TENM2: variants seen among roughly 807,000 people sequenced by gnomAD.
The protein encoded by TENM2 is teneurin-2.
A neutral mutation model predicts 245.2 loss-of-function variants in TENM2; 52 were observed. The observed-to-expected ratio is 0.21, with a 90% CI of 0.17 to 0.27. The LOEUF is 0.27. TENM2 is among the 10% of genes least tolerant of loss of function. The pLI is 1.00. For synonymous variants in TENM2, 1,363 were observed against 1,438.9 expected, an observed-to-expected ratio of 0.95 and a Z score of 1.19; for missense variants, 3,046 against 3,666.8, an observed-to-expected ratio of 0.83 and a Z score of 4.37.
chr5:167,859,358 C>T (rs1771448516), intron 2 of TENM2, among the ~76,000 whole-genome samples: 3 of 149,492 alleles, frequency 2.0e-5, no homozygotes, highest in East Asian at 2.0e-4. Context: ...GCCCGGCAGC[C>T]ACCCCGTCCG....
chr5:167,446,257 A>G (rs542225962), intron 2 of TENM2, among the ~76,000 whole-genome samples: 5 of 152,252 alleles, frequency 3.3e-5, no homozygotes, highest in African/African-American at 1.2e-4. Context: ...TGTCTCTCTC[A>G]TCTCTCACCT....
intron 3 of TENM2, among the ~76,000 whole-genome samples, chr5:167,922,277 C>T (rs1326022121): frequency 6.6e-6 from 1 of 152,134 alleles, no homozygotes; most frequent in Non-Finnish European, 1.5e-5. Flanking sequence ...GTGTCCCTGG[C>T]TCTTGAAGTG....
chr5:167,713,860 A>T (rs1439253258), intron 2 of TENM2, among the ~76,000 whole-genome samples: 1 of 152,060 alleles, frequency 6.6e-6, no homozygotes, highest in Admixed American at 6.5e-5. Flanking sequence ...TTTCCCCTTC[A>T]GCATTCCCAA....
chr5:167,697,778 A>C (rs571873752), intron 2 of TENM2, among the ~76,000 whole-genome samples: 2 of 152,264 alleles, frequency 1.3e-5, no homozygotes, highest in Admixed American at 1.3e-4. Flanking sequence ...GCCCGCCTCA[A>C]CTTCCCAAAG....
chr5:167,033,281 C>G, the TENM2 span, among the ~76,000 whole-genome samples: 2 of 152,188 alleles, frequency 1.3e-5, no homozygotes, highest in African/African-American at 4.8e-5. Flanking sequence ...TAAAACAATG[C>G]GATTCACATC....
At chr5:167,870,287 A>G (rs1237934179) in intron 2 of TENM2, among the ~76,000 whole-genome samples, 2 of 152,092 alleles carry the variant, frequency 1.3e-5, no homozygotes, top group African/African-American at 2.4e-5. Context: ...TCTATTGTGC[A>G]TTCCAGAAAA....
At chr5:167,247,611 T>C in the TENM2 span, among the ~76,000 whole-genome samples, 330 of 152,304 alleles carry the variant, frequency 2.2e-3, 7 homozygotes, top group Admixed American at 0.02. Flanking sequence ...CTGCCTCCTC[T>C]GCTTCTTCTC....
intron 2 of TENM2, among the ~76,000 whole-genome samples, chr5:167,656,052 A>T (rs1403566129): frequency 6.6e-6 from 1 of 152,218 alleles, no homozygotes; most frequent in Non-Finnish European, 1.5e-5. Context: ...ATCCTGAAAG[A>T]CACAGAACCA....
chr5:167,698,641 A>G (rs953639673), intron 2 of TENM2, among the ~76,000 whole-genome samples: 6 of 137,470 alleles, frequency 4.4e-5, no homozygotes, highest in Non-Finnish European at 9.4e-5. Flanking sequence ...TTCCATAAAT[A>G]GTTTTTCTGT....
intron 2 of TENM2, among the ~76,000 whole-genome samples, chr5:167,874,234 C>T (rs886259128): frequency 6.6e-6 from 1 of 152,170 alleles, no homozygotes; most frequent in Admixed American, 6.5e-5. Context: ...GACACATTTA[C>T]CTGTCTGTCT....
chr5:167,090,074 A>G, the TENM2 span, among the ~76,000 whole-genome samples: 95,783 of 151,988 alleles, frequency 0.63, 32,556 homozygotes, highest in African/African-American at 0.9. Flanking sequence ...AGCCTCAATT[A>G]ATATTGAGTG....
At chr5:167,556,649 A>G (rs1477309232) in intron 2 of TENM2, among the ~76,000 whole-genome samples, 1 of 152,122 alleles carries the variant, frequency 6.6e-6, no homozygotes, top group South Asian at 2.1e-4. Flanking sequence ...TTCTCTAGCC[A>G]CCATAGTAGG....
intron 2 of TENM2, among the ~76,000 whole-genome samples, chr5:167,640,444 C>G (rs1779480735): frequency 6.6e-6 from 1 of 151,926 alleles, no homozygotes; most frequent in Non-Finnish European, 1.5e-5. Context: ...ATGGCAAAAC[C>G]CTGCCTCTAA....
At chr5:167,050,659 G>C in the TENM2 span, among the ~76,000 whole-genome samples, 1 of 152,266 alleles carries the variant, frequency 6.6e-6, no homozygotes, top group Non-Finnish European at 1.5e-5. Context: ...GAATCCAGCA[G>C]AGAGGGGGCG....
chr5:167,299,050 G>C (rs971086919), intron 1 of TENM2, among the ~76,000 whole-genome samples: 1 of 152,188 alleles, frequency 6.6e-6, no homozygotes, highest in Non-Finnish European at 1.5e-5. Context: ...GGACAGGCCT[G>C]ACTTCTGAGA....
intron 6 of TENM2, among the ~76,000 whole-genome samples, chr5:168,050,680 G>GT (rs1032025889): frequency 1.3e-5 from 2 of 152,204 alleles, no homozygotes; most frequent in African/African-American, 4.8e-5. Context: ...GTCTTTAGGA[G>GT]TATTTACATT....
intron 2 of TENM2, among the ~76,000 whole-genome samples, chr5:167,580,765 G>C (rs10462968): frequency 0.04 from 6,092 of 152,258 alleles, 383 homozygotes; most frequent in East Asian, 0.25. Flanking sequence ...CGAGGTGGGC[G>C]GATTGCTTGA....
chr5:167,393,963 A>G (rs1013852161), intron 2 of TENM2, among the ~76,000 whole-genome samples: 1 of 152,188 alleles, frequency 6.6e-6, no homozygotes. Flanking sequence ...TGCACATTTT[A>G]AAATAAGGCT....
chr5:167,819,107 T>C (rs1029393321), intron 2 of TENM2, among the ~76,000 whole-genome samples: 3 of 152,096 alleles, frequency 2.0e-5, no homozygotes, highest in Non-Finnish European at 4.4e-5. Flanking sequence ...CTAATGCTAC[T>C]CTTCATTCAT....
Sources: allele counts gnomAD v4.1 joint callset (sites outside exome capture counted in the v4.1 genomes callset), GRCh38; gene constraint gnomAD v4.1.1; transcripts MANE v1.5; gene names NCBI Gene and HGNC (gene_info 2026-07-23, HGNC 2026-07-21).